The following CFAP45 variants were observed in gnomAD, a reference collection of about 807,000 sequenced individuals.
CFAP45 encodes cilia- and flagella-associated protein 45.
A neutral mutation model predicts 75.6 loss-of-function variants in CFAP45; 43 were observed. The ratio of observed to expected loss-of-function variants is 0.57; its 90% CI spans 0.45 to 0.73. The LOEUF (loss-of-function observed/expected upper bound fraction) is 0.73. Among genes scored for constraint, CFAP45 ranks in the 30% least tolerant of loss-of-function variants. CFAP45 has a pLI of 0.00. For synonymous variants in CFAP45, 223 were observed against 244.6 expected (o/e 0.91, Z 0.82); for missense variants, 689 against 701.5 (o/e 0.98, Z 0.20).
At chr1:159,890,368 G>T in intron 3 of CFAP45, 112 bp downstream of exon 3, 1 of 934,188 alleles carries the variant, frequency 1.1e-6, no homozygotes, top group Non-Finnish European at 1.7e-6. Context: ...TAGGAAAGAA[G>T]TGGGGATTGG....
At chr1:159,873,210 G>A (rs746727832) in intron 10 of CFAP45, 42 bp from the exon 11 acceptor site, 2 of 1,577,672 alleles carry the variant, frequency 1.3e-6, no homozygotes, top group Non-Finnish European at 1.7e-6. Flanking sequence ...CAGCTGAGCT[G>A]GCCCAGGCCA....
chr1:159,900,156 C>G lies in CFAP45; in HGVS notation c.-58G>C. On this transcript the variant is annotated 5_prime_UTR_variant, in exon 1 of 12. Transcript: ENST00000368099. ...TGCTGCCGCCTCGGCGCCGCCAAGG[C>G]CCTAGTGTTGACGCGTTACCTTGGC... The G allele has an allele frequency of 1.2e-6, 2 of 1,612,916 alleles. No homozygotes were observed. The highest frequency in any genetic ancestry group is 1.7e-6 in the Non-Finnish European group (2 of 1,179,194).
At chr1:159,878,872 T>A (rs567890188) in intron 8 of CFAP45, among the ~76,000 whole-genome samples, 2 of 150,978 alleles carry the variant, frequency 1.3e-5, no homozygotes, top group East Asian at 4.0e-4. Flanking sequence ...TCAAGCTGCT[T>A]CCTTTGTCCA....
At position 159,887,956 on chromosome 1, in the gene CFAP45, T is replaced by C. The variant is rs891101540; in HGVS notation, c.473A>G (p.Asn158Ser). Residue 158 changes from asparagine to serine, a missense_variant, in exon 5 of 12, where the codon AAC becomes AGC. Transcript: ENST00000368099. ...IMKQKEMVWN[N>S]NKKLSDLEEV... Reference sequence around the variant, plus strand: ...CTCCAGGTCACTGAGCTTCTTGTTGTTGTTCCACACCATCTCCTTCTGTTT... The same window carrying C: ...CTCCAGGTCACTGAGCTTCTTGTTGCTGTTCCACACCATCTCCTTCTGTTT... 7.4e-6 allele frequency: 12 copies of C among 1,614,116 alleles called. No homozygotes were observed. The East Asian group carries it at 2.7e-4, about 36-fold the overall frequency.
intron 11 of CFAP45, 42 bp downstream of exon 11, chr1:159,872,902 G>C: frequency 6.3e-7 from 1 of 1,576,178 alleles, no homozygotes; most frequent in Non-Finnish European, 8.7e-7. Context: ...ATCTCTTTGC[G>C]GGAGGGAAGA....
At chr1:159,873,530 G>GTTAGGC in intron 10 of CFAP45, 1 of 267,496 alleles carries the variant, frequency 3.7e-6, no homozygotes, top group African/African-American at 2.2e-5. Context: ...GAATGCAGTG[G>GTTAGGC]TGCTATCATA....
chr1:159,891,893 A>G (rs1358728788), intron 2 of CFAP45, among the ~76,000 whole-genome samples: 1 of 152,180 alleles, frequency 6.6e-6, no homozygotes, highest in African/African-American at 2.4e-5. Context: ...CAGCATGACT[A>G]CTCCTGGAGA....
intron 1 of CFAP45, among the ~76,000 whole-genome samples, chr1:159,899,213 A>C (rs1171759438): frequency 6.6e-6 from 1 of 152,064 alleles, no homozygotes; most frequent in East Asian, 1.9e-4. Context: ...AGCAAACCCC[A>C]GGCTGCCAGT....
intron 3 of CFAP45, among the ~76,000 whole-genome samples, chr1:159,889,791 C>T (rs776903601): frequency 2.0e-5 from 3 of 152,194 alleles, no homozygotes; most frequent in African/African-American, 4.8e-5. Context: ...GCTTGTGACA[C>T]AGGTAGGATT....
chr1:159,872,797 G>T (rs1649310622), intron 11 of CFAP45, 147 bp downstream of exon 11: 1 of 852,712 alleles, frequency 1.2e-6, no homozygotes, highest in Non-Finnish European at 1.8e-6. Flanking sequence ...CCCCTTCAGA[G>T]GGATGAGCCC....
chr1:159,890,850 C>A (rs1649812318), intron 2 of CFAP45, among the ~76,000 whole-genome samples: 1 of 151,530 alleles, frequency 6.6e-6, no homozygotes, highest in Admixed American at 6.6e-5. Flanking sequence ...CCGCCACCTC[C>A]CGGGTTCAAG....
rs1649633483 is a variant in CFAP45 at position 159,884,655 on chromosome 1, T to C, written c.768-90A>G. The C allele has an allele frequency of 2.2e-6, 3 of 1,334,554 alleles. No individual in the cohort carries two copies. The African/African-American group carries it at 4.4e-5, about 20-fold the overall frequency. The allele number at this position is 1,334,554 out of a possible 1,614,324, so 82.7% of individuals were successfully genotyped here. ...CCACCTAAACAACCCCCAAGATGGGTGGTGTCACCGAAACAATTTGACAAG... is the reference window on the plus strand; with the variant it reads ...CCACCTAAACAACCCCCAAGATGGGCGGTGTCACCGAAACAATTTGACAAG... On this transcript the variant is annotated intron_variant, in intron 6 of 11. Transcript: ENST00000368099.
At chr1:159,873,208 C>G (rs765590038) in intron 10 of CFAP45, 40 bp from the exon 11 acceptor site, 162 of 1,580,530 alleles carry the variant, frequency 1.0e-4, no homozygotes, top group Non-Finnish European at 1.4e-4. Context: ...CTCAGCTGAG[C>G]TGGCCCAGGC....
intron 5 of CFAP45, 115 bp from the exon 6 acceptor site, chr1:159,886,804 C>T (rs1313926095): frequency 6.3e-6 from 5 of 794,782 alleles, no homozygotes; most frequent in African/African-American, 3.4e-5. Context: ...CATGACTGCT[C>T]ACAAGTCCGG....
At chr1:159,895,320 G>C (rs1375829995) in intron 1 of CFAP45, among the ~76,000 whole-genome samples, 3 of 152,154 alleles carry the variant, frequency 2.0e-5, no homozygotes, top group East Asian at 3.8e-4. Flanking sequence ...AGGCACATTG[G>C]GTCTCCCCAA....
intron 1 of CFAP45, 99 bp from the exon 2 acceptor site, chr1:159,893,404 G>A (rs1290339916): frequency 4.1e-6 from 5 of 1,206,184 alleles, no homozygotes; most frequent in South Asian, 1.2e-5. Flanking sequence ...GAGTGGGTGG[G>A]CATGTGAAAA....
intron 4 of CFAP45, 38 bp downstream of exon 4, chr1:159,888,314 C>T (rs1369564873): frequency 3.1e-6 from 5 of 1,600,848 alleles, no homozygotes; most frequent in Non-Finnish European, 1.7e-6. Context: ...GATTCTGCCA[C>T]CCATCTGCAG....
chr1:159,884,713 C>T, intron 6 of CFAP45, 148 bp from the exon 7 acceptor site: 1 of 794,976 alleles, frequency 1.3e-6, no homozygotes, highest in Non-Finnish European at 2.0e-6. Context: ...TTCATGAGCC[C>T]AGACCAAAGT....
intron 11 of CFAP45, 112 bp from the exon 12 acceptor site, chr1:159,872,675 C>T: frequency 2.1e-6 from 2 of 949,070 alleles, no homozygotes; most frequent in Admixed American, 2.0e-5. Context: ...ACCCCCCAAC[C>T]CTGCTCTCAC....
Sources: allele counts gnomAD v4.1 joint callset (sites outside exome capture counted in the v4.1 genomes callset), GRCh38; gene constraint gnomAD v4.1.1; transcripts MANE v1.5; gene names NCBI Gene and HGNC (gene_info 2026-07-23, HGNC 2026-07-21).